The following SLMAP variants were observed in gnomAD, a reference collection of about 807,000 sequenced individuals.
SLMAP encodes the protein sarcolemmal membrane-associated protein.
Under a neutral mutation model 128.8 loss-of-function variants are expected in SLMAP, and 44 were observed. The ratio of observed to expected loss-of-function variants is 0.34; its 90% confidence interval spans 0.27 to 0.44. The LOEUF (loss-of-function observed/expected upper bound fraction) is 0.44, where lower values mean the gene tolerates loss of function less well. Ranked by LOEUF, SLMAP falls within the 20% of genes least tolerant of loss-of-function variation. The pLI, the probability that SLMAP is intolerant of heterozygous loss-of-function variation, is 1.00. For synonymous variants in SLMAP, 327 were observed against 348.8 expected (o/e 0.94, Z 0.70); for missense variants, 787 against 985.3 (o/e 0.80, Z 2.69).
At chr3:57,830,884 C>T (rs907282568) in intron 2 of SLMAP, among the ~76,000 whole-genome samples, 4 of 152,130 alleles carry the variant, frequency 2.6e-5, no homozygotes, top group African/African-American at 7.2e-5. Flanking sequence ...AACGTTCATT[C>T]ATGTTATAGC....
chr3:57,891,318 G>A (rs1270396618), intron 15 of SLMAP: 4 of 151,602 alleles, frequency 2.6e-5, no homozygotes, highest in Non-Finnish European at 5.9e-5. Flanking sequence ...ATCATTATTG[G>A]AAAAGTTTTG....
intron 3 of SLMAP, 101 bp downstream of exon 3, chr3:57,831,631 C>A: frequency 2.5e-6 from 2 of 785,862 alleles, no homozygotes; most frequent in Non-Finnish European, 3.7e-6. Context: ...CTTGTGAAAG[C>A]GATTTAAATA....
At chr3:57,896,718 A>T in intron 16 of SLMAP, 127 bp downstream of exon 16, 2 of 1,269,636 alleles carry the variant, frequency 1.6e-6, no homozygotes, top group East Asian at 4.8e-5. Context: ...TTATCAAGTC[A>T]TCCCCTTTGA....
chr3:57,912,939 AG>A (rs1366537485), intron 20 of SLMAP, among the ~76,000 whole-genome samples: 1 of 152,208 alleles, frequency 6.6e-6, no homozygotes, highest in African/African-American at 2.4e-5. Flanking sequence ...GTCTTATAAA[AG>A]TGAAGTGGAA....
chr3:57,853,941 C>CAA (rs767741519), intron 6 of SLMAP, among the ~76,000 whole-genome samples: 70 of 38,096 alleles, frequency 1.8e-3, no homozygotes, highest in Non-Finnish European at 2.3e-3. Flanking sequence ...AATTCTGTCT[C>CAA]AAAAAAAAAA....
chr3:57,775,090 T>A (rs2081565188), intron 2 of SLMAP, among the ~76,000 whole-genome samples: 1 of 151,866 alleles, frequency 6.6e-6, no homozygotes, highest in African/African-American at 2.4e-5. Flanking sequence ...AGTCTCGCTC[T>A]GTCGCCCAGG....
At chr3:57,906,491 A>G (rs1576147411) in intron 17 of SLMAP, among the ~76,000 whole-genome samples, 1 of 146,368 alleles carries the variant, frequency 6.8e-6, no homozygotes, top group African/African-American at 2.5e-5. Context: ...AATTTTTAGT[A>G]TTTTTAGTAG....
At chr3:57,823,416 G>T (rs1470991545) in intron 2 of SLMAP, among the ~76,000 whole-genome samples, 1 of 151,666 alleles carries the variant, frequency 6.6e-6, no homozygotes, top group Non-Finnish European at 1.5e-5. Context: ...TTCCCTTCCT[G>T]TGTCCATGTG....
At chr3:57,823,490 A>G (rs1474003548) in intron 2 of SLMAP, among the ~76,000 whole-genome samples, 1 of 151,842 alleles carries the variant, frequency 6.6e-6, no homozygotes, top group Non-Finnish European at 1.5e-5. Flanking sequence ...TGTCCTTGTG[A>G]TAGTTTGCTG....
At chr3:57,906,665 T>TGA (rs2096573300) in intron 17 of SLMAP, among the ~76,000 whole-genome samples, 1 of 28,550 alleles carries the variant, frequency 3.5e-5, no homozygotes, top group Non-Finnish European at 6.3e-5. Context: ...TCTATGAATA[T>TGA]GAAAAAAAAA....
chr3:57,890,518 T>C (rs1230664894), intron 15 of SLMAP: 1 of 155,062 alleles, frequency 6.4e-6, no homozygotes, highest in East Asian at 1.9e-4. Context: ...AAATCTCTTA[T>C]GATGTTTAAT....
chr3:57,815,999 A>T lies in SLMAP; in HGVS notation c.199-15384A>T, dbSNP rs1464592560. Among the ~76,000 whole-genome samples the T allele has an allele frequency of 3.9e-5, 6 of 152,224 alleles. No individual in the cohort carries two copies. The East Asian group carries it at 1.2e-3, about 29-fold the overall frequency. ...ATATCCTTTAACCTTTACAACAAAC[A>T]TTCTGAGGTAGGTACTGATGCCATC... On this transcript the variant is annotated intron_variant, in intron 2 of 24. Transcript: ENST00000671191.
At chr3:57,874,800 A>T (rs1198772521) in intron 14 of SLMAP, among the ~76,000 whole-genome samples, 1 of 151,788 alleles carries the variant, frequency 6.6e-6, no homozygotes, top group Non-Finnish European at 1.5e-5. Context: ...TAGAGGTTGC[A>T]GTGAGCCGAG....
intron 7 of SLMAP, 71 bp from the exon 8 acceptor site, chr3:57,858,017 C>A (rs2094875537): frequency 1.9e-6 from 2 of 1,075,644 alleles, no homozygotes; most frequent in Non-Finnish European, 2.8e-6. Flanking sequence ...TTGTCAGTAG[C>A]AACCTTTTTT....
chr3:57,868,812 ATATATAT>A (rs2095378641), intron 13 of SLMAP, among the ~76,000 whole-genome samples: 1 of 138,732 alleles, frequency 7.2e-6, no homozygotes, highest in African/African-American at 2.7e-5. Context: ...ATATATATAT[ATATATAT>A]ATAAAATATA....
At chr3:57,921,789 T>G (rs1278000801) in intron 22 of SLMAP, among the ~76,000 whole-genome samples, 1 of 152,136 alleles carries the variant, frequency 6.6e-6, no homozygotes, top group East Asian at 1.9e-4. Context: ...CACTGCAACT[T>G]CCACCTCCCG....
At chr3:57,906,310 C>CTTTTTTTTTCTTTTTTTTTTTTTT (rs2096551233) in intron 17 of SLMAP, among the ~76,000 whole-genome samples, 1 of 47,048 alleles carries the variant, frequency 2.1e-5, no homozygotes, top group Non-Finnish European at 4.2e-5. Context: ...CTTTTTTTTT[C>CTTTTTTTTTCTTTTTTTTTTTTTT]TTTTTTTTTT....
intron 14 of SLMAP, among the ~76,000 whole-genome samples, chr3:57,882,883 C>T (rs1265716287): frequency 6.6e-6 from 1 of 152,014 alleles, no homozygotes. Flanking sequence ...ACTAGAATAG[C>T]TTTCAAAGCT....
intron 13 of SLMAP, among the ~76,000 whole-genome samples, chr3:57,870,214 TAGTTTG>T (rs1347172856): frequency 6.6e-6 from 1 of 152,142 alleles, no homozygotes; most frequent in Non-Finnish European, 1.5e-5. Context: ...CATGATGATG[TAGTTTG>T]AGTTTTTAAA....
Sources: gnomAD v4.1 joint callset for allele counts (sites outside exome capture counted in the v4.1 genomes callset) on GRCh38, gnomAD v4.1.1 for gene constraint, MANE v1.5 for transcripts, NCBI Gene and HGNC (gene_info 2026-07-23, HGNC 2026-07-21) for gene names.